Variants in FOCAD observed in about 807,000 individuals in gnomAD.
The protein encoded by FOCAD is KIAA1797.
Under a neutral mutation model 225.6 loss-of-function variants are expected in FOCAD, and 198 were observed. That is an observed-to-expected ratio of 0.88 (90% CI 0.78 to 0.99). The LOEUF (loss-of-function observed/expected upper bound fraction) is 0.99, where lower values mean the gene tolerates loss of function less well. Ranked by LOEUF, FOCAD falls within the 50% of genes least tolerant of loss-of-function variation. The pLI is 0.00. For missense variants in FOCAD, 2,713 were observed against 2,123.6 expected (o/e 1.28, Z -5.46); for synonymous variants, 897 against 755.0 (o/e 1.19, Z -3.08).
chr9:20,912,772 A>G, intron 22 of FOCAD, 94 bp from the exon 23 acceptor site: 1 of 1,001,700 alleles, frequency 1.0e-6, no homozygotes. Context: ...ACTTAAGGCC[A>G]AATGGAAAAG....
At chr9:20,941,622 C>G (rs767192694) in intron 28 of FOCAD, among the ~76,000 whole-genome samples, 65 of 152,240 alleles carry the variant, frequency 4.3e-4, no homozygotes, top group Admixed American at 2.5e-3. Context: ...TTTTAATATA[C>G]TCTGATAATA....
At chr9:20,820,810 G>A in intron 13 of FOCAD, 131 bp from the exon 14 acceptor site, 1 of 984,594 alleles carries the variant, frequency 1.0e-6, no homozygotes. Flanking sequence ...CTTCTCTGCT[G>A]ATTAGAAGAA....
intron 19 of FOCAD, among the ~76,000 whole-genome samples, chr9:20,880,913 C>G (rs1830614897): frequency 6.6e-6 from 1 of 151,954 alleles, no homozygotes; most frequent in Admixed American, 6.6e-5. Context: ...TCTAGTGGTC[C>G]TTAGGAAAAT....
At chr9:20,856,026 A>C (rs1587411927) in intron 15 of FOCAD, among the ~76,000 whole-genome samples, 1 of 151,914 alleles carries the variant, frequency 6.6e-6, no homozygotes, top group African/African-American at 2.4e-5. Flanking sequence ...AATCTTGGCT[A>C]TTGTGAATAG....
intron 23 of FOCAD, among the ~76,000 whole-genome samples, chr9:20,914,015 AG>A (rs780457633): frequency 1.8e-4 from 27 of 152,174 alleles, no homozygotes; most frequent in Admixed American, 1.2e-3. Flanking sequence ...CTGTAATCCC[AG>A]CACTTTGGGA....
intron 15 of FOCAD, among the ~76,000 whole-genome samples, chr9:20,826,080 C>T (rs745399802): frequency 4.6e-5 from 7 of 152,000 alleles, no homozygotes; most frequent in Non-Finnish European, 1.0e-4. Flanking sequence ...ATTACAGCTA[C>T]TATTTCTTGG....
chr9:20,739,847 T>TG (rs964375771), intron 4 of FOCAD, among the ~76,000 whole-genome samples: 1 of 152,178 alleles, frequency 6.6e-6, no homozygotes, highest in Non-Finnish European at 1.5e-5. Context: ...CTTTTTAGAG[T>TG]GGCTGATCCA....
At chr9:20,846,368 C>G (rs1827111712) in intron 15 of FOCAD, among the ~76,000 whole-genome samples, 1 of 152,040 alleles carries the variant, frequency 6.6e-6, no homozygotes, top group South Asian at 2.1e-4. Flanking sequence ...CAGAGCCAAC[C>G]TAGATGGAAA....
intron 11 of FOCAD, among the ~76,000 whole-genome samples, chr9:20,816,738 G>A (rs988799933): frequency 2.0e-5 from 3 of 152,052 alleles, no homozygotes; most frequent in African/African-American, 7.2e-5. Flanking sequence ...CTTGATATTA[G>A]CTGGTTTTTC....
intron 8 of FOCAD, among the ~76,000 whole-genome samples, chr9:20,771,678 C>G (rs1818245698): frequency 6.6e-6 from 1 of 152,244 alleles, no homozygotes; most frequent in East Asian, 1.9e-4. Flanking sequence ...TTGTTTGAAC[C>G]CTGGAGGCAG....
intron 11 of FOCAD, 103 bp downstream of exon 11, chr9:20,789,711 A>G: frequency 7.3e-7 from 1 of 1,362,720 alleles, no homozygotes; most frequent in East Asian, 2.4e-5. Flanking sequence ...GTTTTAAATT[A>G]TGGGTTGATG....
At position 20,715,340 on chromosome 9, in the gene FOCAD, TA is replaced by T; in HGVS notation, c.-12del. 6.6e-7 allele frequency: 1 copy of T among 1,511,480 alleles called. No individual in the cohort carries two copies. Among genetic ancestry groups the T allele is most frequent in the Non-Finnish European group, 8.9e-7 (1 of 1,121,362 alleles). The allele number at this position is 1,511,480 out of a possible 1,614,324, so 93.6% of individuals were successfully genotyped here. A position where few individuals can be genotyped will look rare whatever the true frequency, so the allele number is the denominator to read the frequency against. ...GTTACAGAAGCTGCACACATACATG[TA>T]AGAGAAGCAAAAATGTCAGATGATA... On this transcript the variant is annotated 5_prime_UTR_variant, in exon 2 of 44. An upstream open reading frame in the 5' UTR loses its in-frame stop. Coordinates refer to ENST00000338382, the MANE Select transcript of FOCAD (RefSeq NM_001375567.1).
chr9:20,747,578 C>T (rs1004313583), intron 5 of FOCAD, among the ~76,000 whole-genome samples: 12 of 152,020 alleles, frequency 7.9e-5, no homozygotes, highest in Admixed American at 2.0e-4. Flanking sequence ...ACCTCATACC[C>T]GTTATCAGTC....
intron 24 of FOCAD, among the ~76,000 whole-genome samples, chr9:20,921,759 A>G (rs373411677): frequency 2.6e-5 from 4 of 152,210 alleles, no homozygotes; most frequent in African/African-American, 9.7e-5. Flanking sequence ...ACATACTCAG[A>G]TATGTCAAGA....
intron 8 of FOCAD, among the ~76,000 whole-genome samples, chr9:20,774,078 C>G (rs1431547507): frequency 6.6e-6 from 1 of 152,124 alleles, no homozygotes; most frequent in Non-Finnish European, 1.5e-5. Flanking sequence ...GTTGTGTGCT[C>G]CTTATAAGAA....
intron 35 of FOCAD, among the ~76,000 whole-genome samples, chr9:20,973,914 A>T (rs2132563315): frequency 9.5e-6 from 1 of 104,982 alleles, no homozygotes; most frequent in Admixed American, 9.2e-5. Flanking sequence ...TACTTTCAGC[A>T]TCTGTTCATG....
At chr9:20,871,015 C>T (rs1428290941) in intron 18 of FOCAD, among the ~76,000 whole-genome samples, 5 of 151,974 alleles carry the variant, frequency 3.3e-5, no homozygotes, top group East Asian at 1.9e-4. Context: ...CCAGCCTGGC[C>T]AGCAAGGTGA....
intron 24 of FOCAD, among the ~76,000 whole-genome samples, chr9:20,919,878 A>T (rs10811428): frequency 0.59 from 88,882 of 150,308 alleles, 26,815 homozygotes; most frequent in South Asian, 0.69. Flanking sequence ...AACCTAGGCA[A>T]TACCATTCAG....
At chr9:20,733,021 G>A (rs1826843056) in intron 4 of FOCAD, among the ~76,000 whole-genome samples, 2 of 151,958 alleles carry the variant, frequency 1.3e-5, no homozygotes, top group African/African-American at 4.8e-5. Context: ...TTTTTTTGTT[G>A]ATATCCCCTG....
Sources: allele counts gnomAD v4.1 joint callset (sites outside exome capture counted in the v4.1 genomes callset), GRCh38; gene constraint gnomAD v4.1.1; transcripts MANE v1.5; gene names NCBI Gene and HGNC (gene_info 2026-07-23, HGNC 2026-07-21).